The following SOX6 variants were observed in gnomAD, a reference collection of about 807,000 sequenced individuals.
The protein encoded by SOX6 is SRY-box transcription factor 6, also known as transcription factor SOX-6.
SOX6 carries 11 observed loss-of-function variants against 97.8 expected under a neutral mutation model. The ratio of observed to expected loss-of-function variants is 0.11; its 90% CI spans 0.07 to 0.19. The LOEUF is 0.19. Ranked by LOEUF, SOX6 falls within the 10% of genes least tolerant of loss-of-function variation. SOX6 has a pLI of 1.00. For missense variants in SOX6, 810 were observed against 1,039.5 expected (o/e 0.78, Z 3.04); for synonymous variants, 360 against 371.4 (o/e 0.97, Z 0.35).
At chr11:16,210,151 A>G (rs1449618435) in intron 4 of SOX6, among the ~76,000 whole-genome samples, 1 of 152,204 alleles carries the variant, frequency 6.6e-6, no homozygotes, top group East Asian at 1.9e-4. Flanking sequence ...TATACCCAAA[A>G]GGAATAAAAA....
At chr11:16,502,206 G>T (rs1347567647) in intron 4 of SOX6, among the ~76,000 whole-genome samples, 1 of 152,042 alleles carries the variant, frequency 6.6e-6, no homozygotes, top group Non-Finnish European at 1.5e-5. Context: ...GCAAACTACT[G>T]CAAGGACAAA....
chr11:16,594,182 C>A (rs1405682897), intron 4 of SOX6, among the ~76,000 whole-genome samples: 1 of 152,082 alleles, frequency 6.6e-6, no homozygotes, highest in Non-Finnish European at 1.5e-5. Flanking sequence ...ACTAGTCCTA[C>A]CCAACACAGG....
At position 16,681,199 on chromosome 11, in the gene SOX6, G is replaced by A. The variant is rs536484332; in HGVS notation, n.429+33631C>T. On this transcript the variant is annotated intron_variant and non_coding_transcript_variant, in intron 3 of 5. Transcript: ENST00000524520. ...TCACACTTATTCTAAAATTGACCAC[G>A]TAATTGGAAGTAAAACACTTCTTAG... is the stretch of plus-strand genomic sequence containing the variant. Among the ~76,000 whole-genome samples, 37 of 152,170 alleles carry A rather than the reference G, an allele frequency of 2.4e-4. No homozygotes were observed. In the South Asian group the frequency reaches 4.4e-3, roughly 18 times the overall value.
chr11:16,498,188 C>G (rs968746830), intron 4 of SOX6, among the ~76,000 whole-genome samples: 1 of 152,188 alleles, frequency 6.6e-6, no homozygotes. Context: ...AAAGAATTTT[C>G]AACCTACAAT....
chr11:16,255,509 G>T (rs1177336539), intron 3 of SOX6, among the ~76,000 whole-genome samples: 1 of 152,066 alleles, frequency 6.6e-6, no homozygotes, highest in Admixed American at 6.6e-5. Flanking sequence ...TAACACATGT[G>T]TTAATGAAGA....
At chr11:16,447,886 C>A (rs1018435399) in intron 1 of SOX6, among the ~76,000 whole-genome samples, 54 of 152,212 alleles carry the variant, frequency 3.5e-4, no homozygotes, top group African/African-American at 1.2e-3. Flanking sequence ...TTCAGTCTTA[C>A]ATCCACCAAA....
intron 3 of SOX6, among the ~76,000 whole-genome samples, chr11:16,293,227 T>C (rs1283618338): frequency 1.3e-5 from 2 of 152,170 alleles, no homozygotes; most frequent in East Asian, 3.9e-4. Flanking sequence ...GAAAGTTTTA[T>C]CTTCCTGCCC....
intron 1 of SOX6, among the ~76,000 whole-genome samples, chr11:16,362,928 A>G (rs767332521): frequency 6.6e-6 from 1 of 152,178 alleles, no homozygotes; most frequent in Non-Finnish European, 1.5e-5. Context: ...CTAGTCATAG[A>G]GATCTTTATA....
intron 2 of SOX6, among the ~76,000 whole-genome samples, chr11:16,336,178 A>T (rs1446226450): frequency 6.6e-6 from 1 of 152,134 alleles, no homozygotes; most frequent in African/African-American, 2.4e-5. Context: ...ATAAGTTCCC[A>T]CTTACAATCA....
chr11:16,544,075 A>G (rs1847585393), intron 4 of SOX6, among the ~76,000 whole-genome samples: 3 of 152,206 alleles, frequency 2.0e-5, no homozygotes. Flanking sequence ...AAAAAAATGG[A>G]TAAACTTAGA....
At chr11:16,519,344 C>T (rs1250227763) in intron 4 of SOX6, among the ~76,000 whole-genome samples, 1 of 152,118 alleles carries the variant, frequency 6.6e-6, no homozygotes, top group Non-Finnish European at 1.5e-5. Flanking sequence ...ACCCTTGCCT[C>T]TCTCCAACCC....
intron 4 of SOX6, among the ~76,000 whole-genome samples, chr11:16,548,922 A>G (rs1847649978): frequency 6.6e-6 from 1 of 152,166 alleles, no homozygotes. Context: ...AAAAAAAATG[A>G]AATCACAAAC....
At chr11:16,259,538 A>G (rs1325902384) in intron 3 of SOX6, among the ~76,000 whole-genome samples, 1 of 152,178 alleles carries the variant, frequency 6.6e-6, no homozygotes, top group East Asian at 1.9e-4. Flanking sequence ...TTGTGAAGCT[A>G]CAGTTAGTAA....
chr11:16,554,979 T>C (rs1847734976), intron 4 of SOX6, among the ~76,000 whole-genome samples: 2 of 152,188 alleles, frequency 1.3e-5, no homozygotes, highest in South Asian at 4.1e-4. Context: ...AGTATCAGTA[T>C]TGAATGTCAT....
chr11:16,151,351 T>C (rs1850453551), intron 6 of SOX6, among the ~76,000 whole-genome samples: 1 of 152,192 alleles, frequency 6.6e-6, no homozygotes, highest in South Asian at 2.1e-4. Flanking sequence ...GCTTTTCCGA[T>C]CGCTCTTGCA....
chr11:16,500,160 G>T (rs557105252), intron 4 of SOX6, among the ~76,000 whole-genome samples: 1 of 152,050 alleles, frequency 6.6e-6, no homozygotes, highest in Non-Finnish European at 1.5e-5. Flanking sequence ...TTCAACATGC[G>T]CAAATCAATA....
intron 1 of SOX6, among the ~76,000 whole-genome samples, chr11:16,446,045 A>G (rs1015520871): frequency 6.6e-6 from 1 of 152,148 alleles, no homozygotes; most frequent in Non-Finnish European, 1.5e-5. Context: ...AGATGCAAAA[A>G]GGCAGAATAG....
chr11:16,095,888 G>C, intron 9 of SOX6, 108 bp downstream of exon 9: 1 of 1,232,434 alleles, frequency 8.1e-7, no homozygotes, highest in Non-Finnish European at 1.2e-6. Context: ...ATTAAGTTCA[G>C]TGTTTAGGTT....
chr11:16,671,687 A>T (rs1378412736), intron 3 of SOX6, among the ~76,000 whole-genome samples: 3 of 152,260 alleles, frequency 2.0e-5, no homozygotes, highest in African/African-American at 7.2e-5. Context: ...GCATCCCTGA[A>T]AGGGAGGAGG....
Sources: allele counts gnomAD v4.1 joint callset (sites outside exome capture counted in the v4.1 genomes callset), GRCh38; gene constraint gnomAD v4.1.1; transcripts MANE v1.5; gene names NCBI Gene and HGNC (gene_info 2026-07-23, HGNC 2026-07-21).